CNTN4: variants seen among roughly 807,000 people sequenced by gnomAD.
CNTN4 encodes contactin-4.
Under a neutral mutation model 122.5 loss-of-function variants are expected in CNTN4, and 77 were observed. The ratio of observed to expected loss-of-function variants is 0.63; its 90% CI spans 0.52 to 0.76. The LOEUF is 0.76. Ranked by LOEUF, CNTN4 falls within the 30% of genes least tolerant of loss-of-function variation. The pLI is 0.00. For missense variants in CNTN4, 1,256 were observed against 1,259.1 expected (o/e 1.00, Z 0.04); for synonymous variants, 512 against 447.0 (o/e 1.15, Z -1.83).
At chr3:2,666,708 A>C (rs1576391078) in intron 4 of CNTN4, among the ~76,000 whole-genome samples, 1 of 150,420 alleles carries the variant, frequency 6.6e-6, no homozygotes, top group East Asian at 2.0e-4. Context: ...TTCCTCCTTT[A>C]CATTAGGTAT....
intron 3 of CNTN4, among the ~76,000 whole-genome samples, chr3:2,344,325 G>T (rs1231398915): frequency 2.0e-5 from 3 of 150,678 alleles, no homozygotes; most frequent in Non-Finnish European, 4.4e-5. Context: ...GCCCAGGCTG[G>T]AGTGCAGTGG....
At chr3:2,788,315 A>G (rs2091904444) in intron 6 of CNTN4, among the ~76,000 whole-genome samples, 1 of 152,062 alleles carries the variant, frequency 6.6e-6, no homozygotes, top group South Asian at 2.1e-4. Context: ...TTTTGCAGAC[A>G]CCCACTCATT....
chr3:2,368,687 A>T (rs529154045), intron 3 of CNTN4, among the ~76,000 whole-genome samples: 4 of 152,306 alleles, frequency 2.6e-5, no homozygotes, highest in African/African-American at 4.8e-5. Flanking sequence ...AACTGAACAG[A>T]AGTGCAAGAC....
At chr3:2,666,001 C>T (rs1371514823) in intron 4 of CNTN4, among the ~76,000 whole-genome samples, 1 of 152,128 alleles carries the variant, frequency 6.6e-6, no homozygotes, top group Non-Finnish European at 1.5e-5. Context: ...AGTTAGAATA[C>T]AGCTTGTAAT....
intron 10 of CNTN4, among the ~76,000 whole-genome samples, chr3:2,898,915 C>T (rs2094142981): frequency 6.6e-6 from 1 of 152,158 alleles, no homozygotes; most frequent in Non-Finnish European, 1.5e-5. Flanking sequence ...TTTTAGCTTC[C>T]TTTGCATTAG....
chr3:2,701,603 G>A (rs1188014380), intron 4 of CNTN4, among the ~76,000 whole-genome samples: 1 of 152,136 alleles, frequency 6.6e-6, no homozygotes, highest in Non-Finnish European at 1.5e-5. Flanking sequence ...CAGCGCATGC[G>A]TAGCATTTTC....
intron 4 of CNTN4, among the ~76,000 whole-genome samples, chr3:2,679,524 C>T (rs747390140): frequency 5.3e-5 from 8 of 152,094 alleles, no homozygotes; most frequent in Non-Finnish European, 1.2e-4. Context: ...ACATTCGATC[C>T]TAAAAAGAAT....
intron 4 of CNTN4, among the ~76,000 whole-genome samples, chr3:2,576,739 G>C (rs1425985790): frequency 6.6e-6 from 1 of 151,918 alleles, no homozygotes. Flanking sequence ...GTAGAGACGG[G>C]GTTTTGCCAT....
chr3:2,335,338 A>G (rs1483792403), intron 2 of CNTN4, among the ~76,000 whole-genome samples: 2 of 152,074 alleles, frequency 1.3e-5, no homozygotes, highest in Non-Finnish European at 2.9e-5. Flanking sequence ...TATTTTCTGC[A>G]TAGTATGAAC....
chr3:2,638,089 A>G (rs1476127844), intron 4 of CNTN4, among the ~76,000 whole-genome samples: 1 of 152,238 alleles, frequency 6.6e-6, no homozygotes, highest in African/African-American at 2.4e-5. Context: ...GGTGGAATTT[A>G]TAGGAATTTA....
intron 6 of CNTN4, among the ~76,000 whole-genome samples, chr3:2,759,341 A>C (rs1342137360): frequency 2.0e-5 from 3 of 151,992 alleles, no homozygotes; most frequent in African/African-American, 7.2e-5. Context: ...TTTTCAGTAG[A>C]GACAGGGTTT....
intron 4 of CNTN4, among the ~76,000 whole-genome samples, chr3:2,667,660 C>G (rs1311888756): frequency 7.5e-6 from 1 of 133,418 alleles, no homozygotes; most frequent in Non-Finnish European, 1.6e-5. Flanking sequence ...ACATGAAGTC[C>G]TTGCCCACGC....
At chr3:2,667,904 A>G (rs147610577) in intron 4 of CNTN4, among the ~76,000 whole-genome samples, 2,110 of 151,970 alleles carry the variant, frequency 0.014, 58 homozygotes, top group African/African-American at 0.048. Flanking sequence ...ATAGTTATAG[A>G]TATGTGGCAT....
At chr3:2,503,022 C>T (rs2149014664) in intron 3 of CNTN4, among the ~76,000 whole-genome samples, 1 of 152,178 alleles carries the variant, frequency 6.6e-6, no homozygotes, top group East Asian at 1.9e-4. Flanking sequence ...TATCATTAAG[C>T]TAGGTGATAG....
At chr3:2,653,218 CTTTT>C (rs897839805) in intron 4 of CNTN4, among the ~76,000 whole-genome samples, 5 of 151,938 alleles carry the variant, frequency 3.3e-5, no homozygotes, top group Admixed American at 3.3e-4. Flanking sequence ...AAAGCAAGGA[CTTTT>C]TTTATTTTTA....
At position 2,517,699 on chromosome 3, in the gene CNTN4, C is replaced by T. The variant is rs536569007; in HGVS notation, c.-88-53717C>T. Reference sequence around the variant, plus strand: ...AATGAGTCATACCACTAATTAAACACGGTCATTTGCAAGAACTTTGCCTCC... The same window carrying T: ...AATGAGTCATACCACTAATTAAACATGGTCATTTGCAAGAACTTTGCCTCC... On this transcript the variant is annotated intron_variant, in intron 3 of 24. Transcript: ENST00000418658. 4.6e-5 allele frequency among the ~76,000 whole-genome samples: 7 copies of T among 152,250 alleles called. No homozygotes were observed. The South Asian group carries it at 6.2e-4, about 14-fold the overall frequency.
At chr3:2,426,539 G>T (rs1188404537) in intron 3 of CNTN4, among the ~76,000 whole-genome samples, 21 of 150,952 alleles carry the variant, frequency 1.4e-4, no homozygotes. Flanking sequence ...TCTTTTTTTT[G>T]TTGTGTCTCT....
intron 3 of CNTN4, among the ~76,000 whole-genome samples, chr3:2,529,729 C>G (rs2077528515): frequency 6.6e-6 from 1 of 152,000 alleles, no homozygotes; most frequent in Non-Finnish European, 1.5e-5. Context: ...CCTTGATCGT[C>G]TTTACTCTTG....
At chr3:2,510,671 A>G in intron 3 of CNTN4, among the ~76,000 whole-genome samples, 1 of 152,180 alleles carries the variant, frequency 6.6e-6, no homozygotes, top group Non-Finnish European at 1.5e-5. Context: ...AGCAGGTAGC[A>G]TGTCTGGGCA....
Sources: gnomAD v4.1 joint callset for allele counts (sites outside exome capture counted in the v4.1 genomes callset) on GRCh38, gnomAD v4.1.1 for gene constraint, MANE v1.5 for transcripts, NCBI Gene and HGNC (gene_info 2026-07-23, HGNC 2026-07-21) for gene names.